The following RBFOX1 variants were observed in gnomAD, a reference collection of about 807,000 sequenced individuals.
RBFOX1 encodes the protein RNA binding fox-1 homolog 1.
In RBFOX1, 8 loss-of-function variants were observed where a neutral mutation model predicts 57.7. The observed-to-expected ratio is 0.14, with a 90% CI of 0.08 to 0.25. RBFOX1 has a LOEUF of 0.25. Among genes scored for constraint, RBFOX1 ranks in the 10% least tolerant of loss-of-function variants. The pLI is 1.00. For synonymous variants in RBFOX1, 326 were observed against 222.4 expected, an observed-to-expected ratio of 1.47 and a Z score of -4.15; for missense variants, 611 against 548.5, an observed-to-expected ratio of 1.11 and a Z score of -1.14.
intron 5 of RBFOX1, among the ~76,000 whole-genome samples, chr16:7,545,229 G>A (rs560947376): frequency 1.3e-5 from 2 of 152,288 alleles, no homozygotes; most frequent in South Asian, 2.1e-4. Flanking sequence ...GAGATTGACA[G>A]GCAAGAGCCC....
chr16:6,094,135 G>C (rs1287818599), intron 1 of RBFOX1, among the ~76,000 whole-genome samples: 1 of 152,180 alleles, frequency 6.6e-6, no homozygotes, highest in South Asian at 2.1e-4. Context: ...TAGATTTCCA[G>C]TTTTGACCTG....
rs575818490 is a variant in RBFOX1 at position 5,867,514 on chromosome 16, C to T, written c.351+179C>T. On this transcript the variant is annotated intron_variant, in intron 4 of 19. Transcript: ENST00000641259. ...CTGGGTTTTGGGGTGCCCAGGTCAC[C>T]GCACTGCTCTTCATGGAGTGTGCGT... Among the ~76,000 whole-genome samples the T allele has an allele frequency of 5.6e-4, 85 of 152,084 alleles. No homozygotes were observed. The South Asian group carries it at 5.6e-3, about 10-fold the overall frequency.
chr16:6,409,593 C>G (rs1414036466), intron 2 of RBFOX1, among the ~76,000 whole-genome samples: 1 of 151,980 alleles, frequency 6.6e-6, no homozygotes, highest in Non-Finnish European at 1.5e-5. Context: ...AGCTAAGACA[C>G]ATGATTTAAA....
intron 2 of RBFOX1, among the ~76,000 whole-genome samples, chr16:5,495,129 C>G (rs895988968): frequency 2.0e-5 from 3 of 152,192 alleles, no homozygotes; most frequent in African/African-American, 7.2e-5. Context: ...AGGAAACTTG[C>G]AGTCATGGCA....
At chr16:6,402,607 G>A (rs1181524037) in intron 2 of RBFOX1, among the ~76,000 whole-genome samples, 1 of 152,164 alleles carries the variant, frequency 6.6e-6, no homozygotes, top group Non-Finnish European at 1.5e-5. Flanking sequence ...ACACTGGGTT[G>A]CTGTCCTCTG....
At chr16:5,993,384 TGAGAGA>T (rs1200838900) in intron 4 of RBFOX1, among the ~76,000 whole-genome samples, 14 of 71,232 alleles carry the variant, frequency 2.0e-4, no homozygotes, top group Non-Finnish European at 3.8e-4. Context: ...TGTGTGTGTG[TGAGAGA>T]GAGAGAGACA....
intron 1 of RBFOX1, among the ~76,000 whole-genome samples, chr16:6,204,730 ATTTCT>A (rs1374969451): frequency 6.6e-6 from 1 of 152,140 alleles, no homozygotes. Context: ...GAAGGGGTTG[ATTTCT>A]TTATAATGTT....
intron 4 of RBFOX1, among the ~76,000 whole-genome samples, chr16:7,263,060 T>C (rs1362484797): frequency 2.0e-5 from 3 of 152,332 alleles, no homozygotes; most frequent in African/African-American, 4.8e-5. Flanking sequence ...TCCTCTAGTC[T>C]CTTAGAGTCT....
chr16:6,757,923 A>G (rs11863990), intron 3 of RBFOX1, among the ~76,000 whole-genome samples: 14,411 of 152,246 alleles, frequency 0.095, 820 homozygotes, highest in African/African-American at 0.15. Flanking sequence ...TACAATTATT[A>G]TGCATTAGTA....
intron 1 of RBFOX1, among the ~76,000 whole-genome samples, chr16:5,249,371 G>T (rs1350613583): frequency 1.3e-5 from 2 of 152,220 alleles, no homozygotes; most frequent in South Asian, 4.1e-4. Flanking sequence ...GCCGGGGCTT[G>T]TGTCCTTGCT....
chr16:5,263,593 G>C (rs889462013), intron 1 of RBFOX1, among the ~76,000 whole-genome samples: 4 of 152,174 alleles, frequency 2.6e-5, no homozygotes, highest in Non-Finnish European at 5.9e-5. Flanking sequence ...GGGAATGGGT[G>C]ATAAAGGCAG....
intron 3 of RBFOX1, among the ~76,000 whole-genome samples, chr16:6,792,365 T>C (rs530196299): frequency 6.6e-6 from 1 of 152,304 alleles, no homozygotes; most frequent in Non-Finnish European, 1.5e-5. Context: ...GATTCTATAA[T>C]TGCATATCTT....
At position 6,815,668 on chromosome 16, in the gene RBFOX1, C is replaced by T. The variant is rs879403078; in HGVS notation, c.-16+161018C>T. ...CTACCTACTTACGCCTTACCAGGGC[C>T]AGGATTCAAACCTAGACTTGTTCAG... is the stretch of plus-strand genomic sequence containing the variant. On this transcript the variant is annotated intron_variant, in intron 3 of 15. Coordinates refer to ENST00000550418, the MANE Select transcript of RBFOX1 (RefSeq NM_018723.4). Among the ~76,000 whole-genome samples the T allele has an allele frequency of 3.9e-5, 6 of 152,110 alleles. No individual in the cohort carries two copies. The South Asian group carries it at 6.2e-4, about 16-fold the overall frequency.
intron 1 of RBFOX1, among the ~76,000 whole-genome samples, chr16:5,287,438 C>G (rs906432212): frequency 6.6e-6 from 1 of 152,208 alleles, no homozygotes; most frequent in Non-Finnish European, 1.5e-5. Context: ...CAAAGATCTC[C>G]ATCTAGCTAT....
At chr16:7,332,747 A>G in intron 4 of RBFOX1, 1 of 1,362,702 alleles carries the variant, frequency 7.3e-7, no homozygotes, top group Non-Finnish European at 9.5e-7. Flanking sequence ...TTCCCAAAAT[A>G]GCACCTTCCA....
intron 3 of RBFOX1, among the ~76,000 whole-genome samples, chr16:5,659,132 G>C (rs1231047369): frequency 1.3e-5 from 2 of 151,916 alleles, no homozygotes; most frequent in Non-Finnish European, 2.9e-5. Flanking sequence ...CATCAGTGCA[G>C]AAGTGTTCCC....
At chr16:7,360,115 C>T (rs1043273742) in intron 4 of RBFOX1, among the ~76,000 whole-genome samples, 3 of 152,086 alleles carry the variant, frequency 2.0e-5, no homozygotes, top group Admixed American at 1.3e-4. Flanking sequence ...TGGGATTCAA[C>T]CAAAAGACAG....
chr16:6,135,836 C>G (rs2096663031), intron 1 of RBFOX1, among the ~76,000 whole-genome samples: 1 of 144,382 alleles, frequency 6.9e-6, no homozygotes, highest in Non-Finnish European at 1.5e-5. Flanking sequence ...GCTCTGTCGC[C>G]CAGGCTGGAG....
At chr16:6,491,896 A>T (rs1335860545) in intron 2 of RBFOX1, among the ~76,000 whole-genome samples, 1 of 152,176 alleles carries the variant, frequency 6.6e-6, no homozygotes, top group Non-Finnish European at 1.5e-5. Context: ...GAAGAGATTT[A>T]TGTAGCTATA....
Sources: gnomAD v4.1 joint callset for allele counts (sites outside exome capture counted in the v4.1 genomes callset) on GRCh38, gnomAD v4.1.1 for gene constraint, MANE v1.5 for transcripts, NCBI Gene and HGNC (gene_info 2026-07-23, HGNC 2026-07-21) for gene names.